FAM186A: variants seen among roughly 807,000 people sequenced by gnomAD.
FAM186A encodes the protein family with sequence similarity 186 member A.
Under a neutral mutation model 216.8 loss-of-function variants are expected in FAM186A, and 163 were observed. That is an observed-to-expected ratio of 0.75 (90% CI 0.66 to 0.86). The LOEUF is 0.86. Among genes scored for constraint, FAM186A ranks in the 40% least tolerant of loss-of-function variants. The pLI, the probability that FAM186A is intolerant of heterozygous loss-of-function variation, is 0.00. For missense variants in FAM186A, 2,184 were observed against 2,746.2 expected (o/e 0.80, Z 4.58); for synonymous variants, 805 against 1,025.3 (o/e 0.79, Z 4.10).
intron 1 of FAM186A, among the ~76,000 whole-genome samples, chr12:50,375,317 G>T (rs1261947968): frequency 6.6e-6 from 1 of 152,166 alleles, no homozygotes; most frequent in African/African-American, 2.4e-5. Flanking sequence ...GGAGGCCAAG[G>T]TGGGTGGATC....
intron 7 of FAM186A, among the ~76,000 whole-genome samples, chr12:50,329,551 C>G (rs1451656270): frequency 6.6e-6 from 1 of 150,494 alleles, no homozygotes; most frequent in Non-Finnish European, 1.5e-5. Context: ...TTTTAAATGT[C>G]TTATTTTATG....
Position 50,351,868 on chromosome 12 carries a change from T to A in FAM186A, c.4964A>T (p.Asn1655Ile), listed in dbSNP as rs943978643. The change falls in exon 4 of 8, where the codon AAT becomes ATT. Residue 1655 changes from asparagine (N) to isoleucine (I), a missense_variant. This residue lies in a region of FAM186A where 26 missense variants were observed against 44.5 expected (regional missense o/e 0.58). Transcript: ENST00000327337. ...AAGAGTGACAGCTGACACCCAGGCA[T>A]TTACTGGGGTGATGGGGACTCCCAG... ...QALGVPITPV[N>I]AWVSAVTLTS... 10 of 1,544,606 alleles carry A rather than the reference T, an allele frequency of 6.5e-6. No homozygotes were observed. The Admixed American group carries it at 1.6e-4, about 24-fold the overall frequency.
At chr12:50,381,997 G>A (rs1215881532) in intron 1 of FAM186A, among the ~76,000 whole-genome samples, 1 of 151,904 alleles carries the variant, frequency 6.6e-6, no homozygotes, top group Non-Finnish European at 1.5e-5. Context: ...CAGAAATCAA[G>A]CATCCCCTTT....
chr12:50,347,699 G>A (rs568219718), intron 4 of FAM186A, among the ~76,000 whole-genome samples: 1 of 151,182 alleles, frequency 6.6e-6, no homozygotes, highest in Non-Finnish European at 1.5e-5. Context: ...AAAATTCCCC[G>A]AAATAATAGG....
intron 1 of FAM186A, among the ~76,000 whole-genome samples, chr12:50,393,102 AT>A (rs1481720950): frequency 6.7e-6 from 1 of 148,276 alleles, no homozygotes; most frequent in Non-Finnish European, 1.5e-5. Context: ...AATTTTTTGT[AT>A]TTTTAGTAGA....
At chr12:50,394,929 TTTG>T (rs1285250042) in intron 1 of FAM186A, among the ~76,000 whole-genome samples, 1 of 151,428 alleles carries the variant, frequency 6.6e-6, no homozygotes, top group African/African-American at 2.4e-5. Flanking sequence ...AGGGTCTTGC[TTTG>T]TTGCCTGGGA....
At chr12:50,346,942 G>A (rs1230031851) in intron 4 of FAM186A, among the ~76,000 whole-genome samples, 1 of 141,154 alleles carries the variant, frequency 7.1e-6, no homozygotes, top group East Asian at 2.0e-4. Flanking sequence ...ACACAAACCC[G>A]AACAACAAAA....
chr12:50,345,864 T>C (rs537699570), intron 4 of FAM186A, among the ~76,000 whole-genome samples: 29 of 152,160 alleles, frequency 1.9e-4, no homozygotes, highest in African/African-American at 6.7e-4. Context: ...AATTTTACAA[T>C]AGTTTTTTCT....
chr12:50,334,039 G>A lies in FAM186A; in HGVS notation c.6568C>T (p.Leu2190Phe). The change falls in exon 5 of 8, where the codon CTC becomes TTC. Residue 2190 changes from leucine to phenylalanine, a missense_variant. By Grantham distance (22) the Leu-to-Phe change is conservative. Coordinates refer to ENST00000327337, the MANE Select transcript of FAM186A (RefSeq NM_001145475.3). The part of the protein sequence containing the change: ...NTGKGYEARN[L>F]HMMLSRLDDY... ...TCAAGTCTGCTCAGCATCATGTGGA[G>A]GTTCCTGGCCTCATAGCCTTTCCCA... is the stretch of plus-strand genomic sequence containing the variant. 6.4e-7 allele frequency: 1 copy of A among 1,551,640 alleles called. No individual in the cohort carries two copies. The highest frequency in any genetic ancestry group is 1.4e-5 in the African/African-American group (1 of 73,156).
intron 4 of FAM186A, 24 bp from the exon 5 acceptor site, chr12:50,334,127 G>C (rs1300739918): frequency 1.3e-6 from 2 of 1,505,828 alleles, no homozygotes; most frequent in Non-Finnish European, 8.9e-7. Context: ...ATAAAAATTA[G>C]AGCGATAATA....
intron 1 of FAM186A, among the ~76,000 whole-genome samples, chr12:50,383,127 GTGATC>G (rs1166773981): frequency 6.6e-6 from 1 of 151,450 alleles, no homozygotes; most frequent in East Asian, 1.9e-4. Context: ...CCATATGCCT[GTGATC>G]TCAGCTACTC....
At chr12:50,368,295 G>A (rs1364560815) in intron 1 of FAM186A, among the ~76,000 whole-genome samples, 2 of 152,056 alleles carry the variant, frequency 1.3e-5, no homozygotes, top group Non-Finnish European at 2.9e-5. Flanking sequence ...CAGCTACTCA[G>A]GAGGCTGAGG....
chr12:50,350,264 C>T, intron 4 of FAM186A, 65 bp downstream of exon 4: 1 of 1,355,118 alleles, frequency 7.4e-7, no homozygotes, highest in South Asian at 1.5e-5. Context: ...ACTTCTGGGA[C>T]AATGACAGAA....
At chr12:50,330,243 A>G (rs543210558) in intron 7 of FAM186A, among the ~76,000 whole-genome samples, 11 of 152,326 alleles carry the variant, frequency 7.2e-5, no homozygotes, top group East Asian at 3.9e-4. Flanking sequence ...GCATTCTACA[A>G]TGGTCTTTCT....
chr12:50,362,469 G>A (rs956197644), intron 2 of FAM186A, among the ~76,000 whole-genome samples: 7 of 152,140 alleles, frequency 4.6e-5, no homozygotes, highest in African/African-American at 1.4e-4. Context: ...GGTAGGCCAG[G>A]CGCAGTGGCT....
chr12:50,356,993 C>T (rs1392683228), intron 3 of FAM186A, among the ~76,000 whole-genome samples: 4 of 150,786 alleles, frequency 2.7e-5, no homozygotes, highest in South Asian at 2.1e-4. Flanking sequence ...AGTGAGACTT[C>T]GTCTCAACAT....
intron 2 of FAM186A, among the ~76,000 whole-genome samples, chr12:50,362,398 G>A (rs749238168): frequency 2.0e-5 from 3 of 152,128 alleles, no homozygotes; most frequent in African/African-American, 4.8e-5. Context: ...TGAAAGGAGA[G>A]AGAGAAAAGG....
chr12:50,357,824 A>T (rs1028125276), intron 3 of FAM186A, among the ~76,000 whole-genome samples: 1 of 152,062 alleles, frequency 6.6e-6, no homozygotes, highest in Non-Finnish European at 1.5e-5. Context: ...GCCTACAGGG[A>T]TGATTTGACT....
chr12:50,331,112 A>G (rs1191258132), intron 6 of FAM186A, among the ~76,000 whole-genome samples: 1 of 152,222 alleles, frequency 6.6e-6, no homozygotes, highest in Non-Finnish European at 1.5e-5. Context: ...TCTTTATTAA[A>G]TATTCTTAAA....
Sources: gnomAD v4.1 joint callset for allele counts (sites outside exome capture counted in the v4.1 genomes callset) on GRCh38, gnomAD v4.1.1 for gene constraint, gnomAD v4.1.1 regional missense constraint, MANE v1.5 for transcripts, NCBI Gene and HGNC (gene_info 2026-07-23, HGNC 2026-07-21) for gene names.